Variants in ABCC4 observed in about 807,000 individuals in gnomAD.
ABCC4 encodes the protein ATP binding cassette subfamily C member 4 (PEL blood group).
Under a neutral mutation model 168.5 loss-of-function variants are expected in ABCC4, and 102 were observed. The observed-to-expected ratio is 0.61, with a 90% confidence interval of 0.52 to 0.71. ABCC4 has a LOEUF of 0.71. ABCC4 is among the 30% of genes least tolerant of loss of function. ABCC4 has a pLI of 0.00. For synonymous variants in ABCC4, 617 were observed against 590.7 expected (o/e 1.04, Z -0.65); for missense variants, 1,402 against 1,605.8 (o/e 0.87, Z 2.17).
intron 19 of ABCC4, among the ~76,000 whole-genome samples, chr13:95,151,643 G>C (rs867037914): frequency 2.6e-5 from 4 of 151,706 alleles, no homozygotes; most frequent in Non-Finnish European, 2.9e-5. Flanking sequence ...AGGAGAAGGA[G>C]AAGAAGGAGA....
intron 29 of ABCC4, among the ~76,000 whole-genome samples, chr13:95,039,833 G>A (rs534484088): frequency 2.0e-5 from 3 of 152,320 alleles, no homozygotes; most frequent in East Asian, 1.9e-4. Context: ...GGAAGGGCAG[G>A]GCAGGGTGAA....
At chr13:95,190,313 C>T (rs576333368) in intron 9 of ABCC4, among the ~76,000 whole-genome samples, 26 of 152,246 alleles carry the variant, frequency 1.7e-4, no homozygotes, top group African/African-American at 5.8e-4. Context: ...CACTCTAACC[C>T]GGGTGACACA....
At chr13:95,218,927 G>GAGAAAGAAAGAA (rs71111597) in intron 4 of ABCC4, among the ~76,000 whole-genome samples, 620 of 42,416 alleles carry the variant, frequency 0.015, 10 homozygotes, top group Middle Eastern at 0.052. Context: ...GAGAAAGAAA[G>GAGAAAGAAAGAA]AGAAAGAAAG....
At chr13:95,038,765 T>C (rs1014521702) in intron 29 of ABCC4, among the ~76,000 whole-genome samples, 3 of 152,096 alleles carry the variant, frequency 2.0e-5, no homozygotes, top group African/African-American at 4.8e-5. Context: ...GGAAGGGAAA[T>C]TCAGGGCACA....
chr13:95,282,969 G>C (rs1261992423), intron 1 of ABCC4, among the ~76,000 whole-genome samples: 2 of 152,084 alleles, frequency 1.3e-5, no homozygotes, highest in East Asian at 3.9e-4. Context: ...CTGTATCCCA[G>C]CACTTTGGGA....
intron 19 of ABCC4, among the ~76,000 whole-genome samples, chr13:95,150,227 T>C (rs1395030775): frequency 6.6e-6 from 1 of 152,082 alleles, no homozygotes; most frequent in African/African-American, 2.4e-5. Context: ...GCCTCCCAAG[T>C]AGCTGGGATT....
intron 3 of ABCC4, among the ~76,000 whole-genome samples, chr13:95,242,077 A>C (rs1417806039): frequency 6.6e-6 from 1 of 152,208 alleles, no homozygotes; most frequent in African/African-American, 2.4e-5. Flanking sequence ...AAAGGCCTGA[A>C]AGTCATCACA....
At chr13:95,029,213 T>TAG (rs1193218745) in intron 30 of ABCC4, among the ~76,000 whole-genome samples, 3 of 36,890 alleles carry the variant, frequency 8.1e-5, no homozygotes, top group African/African-American at 2.0e-4. Context: ...TATATATATA[T>TAG]AGAGAGAGAG....
chr13:95,064,584 A>G (rs1414450482), intron 25 of ABCC4, among the ~76,000 whole-genome samples: 1 of 151,780 alleles, frequency 6.6e-6, no homozygotes, highest in Non-Finnish European at 1.5e-5. Context: ...ACATAGACAA[A>G]TGCTGTGTTT....
intron 19 of ABCC4, among the ~76,000 whole-genome samples, chr13:95,155,964 G>A (rs2139523536): frequency 6.6e-6 from 1 of 152,280 alleles, no homozygotes; most frequent in Non-Finnish European, 1.5e-5. Context: ...AACTCTGTTG[G>A]CGTGGAAGAA....
intron 11 of ABCC4, among the ~76,000 whole-genome samples, chr13:95,178,633 C>G (rs2037790363): frequency 6.6e-6 from 1 of 152,128 alleles, no homozygotes; most frequent in African/African-American, 2.4e-5. Context: ...AAGCACAAAA[C>G]CCATGGGGTG....
At chr13:95,031,032 A>C (rs1348081368) in intron 30 of ABCC4, among the ~76,000 whole-genome samples, 3 of 152,232 alleles carry the variant, frequency 2.0e-5, no homozygotes, top group Non-Finnish European at 2.9e-5. Context: ...TTTTCCTTCC[A>C]ACAAATGAAT....
At chr13:95,293,842 G>A (rs2041462435) in intron 1 of ABCC4, among the ~76,000 whole-genome samples, 1 of 150,176 alleles carries the variant, frequency 6.7e-6, no homozygotes, top group Admixed American at 6.7e-5. Flanking sequence ...GTGCAGTGGT[G>A]CAATCTTGGC....
At chr13:95,265,314 TCTGTCAGG>T (rs2040640542) in intron 1 of ABCC4, among the ~76,000 whole-genome samples, 1 of 152,146 alleles carries the variant, frequency 6.6e-6, no homozygotes, top group African/African-American at 2.4e-5. Flanking sequence ...TTGCAACTTT[TCTGTCAGG>T]TTGAATTATT....
intron 19 of ABCC4, among the ~76,000 whole-genome samples, chr13:95,122,786 C>T (rs1313766618): frequency 1.3e-5 from 2 of 151,862 alleles, no homozygotes; most frequent in Admixed American, 6.6e-5. Flanking sequence ...TATACTGGAC[C>T]GGCTACGGAT....
At chr13:95,170,440 T>A (rs1355445629) in intron 14 of ABCC4, 92 bp downstream of exon 14, 3 of 717,932 alleles carry the variant, frequency 4.2e-6, no homozygotes, top group Non-Finnish European at 6.8e-6. Context: ...ATCCCAGCTC[T>A]GAGAAGAAAG....
chr13:95,079,482 G>A (rs9584278), intron 21 of ABCC4, among the ~76,000 whole-genome samples: 9,011 of 152,250 alleles, frequency 0.059, 877 homozygotes, highest in African/African-American at 0.2. Context: ...AGCAGTCTCA[G>A]GCAACCCTCA....
At chr13:95,118,417 T>A (rs2035453096) in intron 19 of ABCC4, among the ~76,000 whole-genome samples, 1 of 152,130 alleles carries the variant, frequency 6.6e-6, no homozygotes, top group South Asian at 2.1e-4. Flanking sequence ...CTAATTTCTG[T>A]ATTTTTAGTA....
chr13:95,088,845 AG>A (rs2034340453), intron 20 of ABCC4, among the ~76,000 whole-genome samples: 1 of 152,012 alleles, frequency 6.6e-6, no homozygotes. Context: ...AATGGAAATT[AG>A]AAAAAAGGAG....
Sources: gnomAD v4.1 joint callset for allele counts (sites outside exome capture counted in the v4.1 genomes callset) on GRCh38, gnomAD v4.1.1 for gene constraint, MANE v1.5 for transcripts, NCBI Gene and HGNC (gene_info 2026-07-23, HGNC 2026-07-21) for gene names.